The following SF3B3 variants were observed in gnomAD, a reference collection of about 807,000 sequenced individuals.
SF3B3 encodes the protein splicing factor 3b subunit 3.
In SF3B3, 33 loss-of-function variants were observed where a neutral mutation model predicts 139.2. The ratio of observed to expected loss-of-function variants is 0.24; its 90% CI spans 0.18 to 0.32. SF3B3 has a LOEUF of 0.32. Among genes scored for constraint, SF3B3 ranks in the 10% least tolerant of loss-of-function variants. SF3B3 has a pLI of 1.00. For missense variants in SF3B3, 818 were observed against 1,509.4 expected (o/e 0.54, Z 7.59); for synonymous variants, 596 against 563.6 (o/e 1.06, Z -0.81).
rs533905739 is a variant in SF3B3, at chr16:70,544,052, T to C, written c.1234-386T>C. 2.0e-5 allele frequency among the ~76,000 whole-genome samples: 3 copies of C among 152,250 alleles called. No homozygotes were observed. In the East Asian group the frequency reaches 5.8e-4, roughly 29 times the overall value. On this transcript the variant is annotated intron_variant, in intron 9 of 25. Coordinates refer to ENST00000302516, the MANE Select transcript of SF3B3 (RefSeq NM_012426.5). ...ATATTTTTAAATGCATATGAAAATA[T>C]GCATAGAATCAGAATAGCAAAATAT... is the stretch of plus-strand genomic sequence containing the variant.
rs1567420465 is a variant in SF3B3 at position 70,556,385 on chromosome 16, T to TG, written c.1866+53dup. 3.1e-6 allele frequency: 5 copies of TG among 1,589,290 alleles called. No homozygotes were observed. The South Asian group carries it at 5.5e-5, about 18-fold the overall frequency. On this transcript the variant is annotated intron_variant, in intron 14 of 25. Coordinates refer to ENST00000302516, the MANE Select transcript of SF3B3 (RefSeq NM_012426.5). Reference sequence around the variant, plus strand: ...ATCATCTGGTTGGAACCTGAGCATCTGGCTCCTGATGTCTATCTCTGAGAT... The same window carrying TG: ...ATCATCTGGTTGGAACCTGAGCATCTGGGCTCCTGATGTCTATCTCTGAGAT...
intron 24 of SF3B3, among the ~76,000 whole-genome samples, chr16:70,570,565 T>C (rs963265408): frequency 6.6e-6 from 1 of 151,888 alleles, no homozygotes; most frequent in African/African-American, 2.4e-5. Flanking sequence ...CTCTTGACCT[T>C]GTGATCCGCC....
chr16:70,560,252 T>C lies in SF3B3; in HGVS notation c.2011-217T>C. ...GAAGATATAGTGAAAAATAAGTGTG[T>C]ATTTACTTAGTAGATGCTCCATAAC... On this transcript the variant is annotated intron_variant, in intron 15 of 25. Coordinates refer to ENST00000302516, the MANE Select transcript of SF3B3 (RefSeq NM_012426.5). The C allele has an allele frequency of 2.0e-5, 7 of 352,582 alleles. No individual in the cohort carries two copies. The South Asian group carries it at 3.3e-4, about 16-fold the overall frequency. 21.8% of individuals were successfully genotyped at this position (352,582 alleles called of 1,614,324 possible).
chr16:70,545,017 A>C (rs1372323569), intron 10 of SF3B3, among the ~76,000 whole-genome samples: 1 of 152,134 alleles, frequency 6.6e-6, no homozygotes, highest in Admixed American at 6.5e-5. Flanking sequence ...TATCTTATTA[A>C]ATTTATTCCT....
rs1242669455 is a variant in SF3B3, at chr16:70,572,223, G to A, written c.*410G>A. ...AAGGAGGCAGGCTGTGGTGGGACTG[G>A]GTAGGGTATAGTATCACTCCTGAGT... is the stretch of plus-strand genomic sequence containing the variant. On this transcript the variant is annotated 3_prime_UTR_variant, in exon 26 of 26. Transcript: ENST00000302516. 1 of 438,508 alleles carries A rather than the reference G, an allele frequency of 2.3e-6. No homozygotes were observed. The highest frequency in any genetic ancestry group is 2.0e-5 in the African/African-American group (1 of 49,620). 27.2% of individuals were successfully genotyped at this position (438,508 alleles called of 1,614,324 possible).
chr16:70,541,855 C>T (rs1261850465), intron 9 of SF3B3, 21 bp downstream of exon 9: 1 of 1,605,218 alleles, frequency 6.2e-7, no homozygotes, highest in Admixed American at 1.7e-5. Context: ...CTTTCCAGCC[C>T]CTTCCACAAT....
chr16:70,553,648 G>T (rs1242104493), intron 11 of SF3B3, among the ~76,000 whole-genome samples: 1 of 152,038 alleles, frequency 6.6e-6, no homozygotes, highest in East Asian at 1.9e-4. Flanking sequence ...TATGTTGTAG[G>T]GTGAGATACA....
At chr16:70,530,472 A>G (rs1469438294) in intron 3 of SF3B3, among the ~76,000 whole-genome samples, 1 of 151,930 alleles carries the variant, frequency 6.6e-6, no homozygotes, top group Non-Finnish European at 1.5e-5. Flanking sequence ...GGCATGCACC[A>G]CCACACCTAG....
At chr16:70,566,561 C>CA (rs1319792309) in intron 20 of SF3B3, among the ~76,000 whole-genome samples, 3 of 150,560 alleles carry the variant, frequency 2.0e-5, no homozygotes, top group South Asian at 2.1e-4. Context: ...GACTCTGTCT[C>CA]AAAAAAAAGA....
chr16:70,526,510 C>A, intron 1 of SF3B3, 77 bp from the exon 2 acceptor site: 1 of 610,686 alleles, frequency 1.6e-6, no homozygotes, highest in Non-Finnish European at 2.9e-6. Flanking sequence ...CTGCTGTCTT[C>A]ATCCAGAATT....
intron 2 of SF3B3, among the ~76,000 whole-genome samples, chr16:70,527,241 G>A (rs1028935747): frequency 1.3e-5 from 2 of 152,208 alleles, no homozygotes; most frequent in African/African-American, 2.4e-5. Context: ...ACCATGTGGG[G>A]AATATTTTTG....
intron 11 of SF3B3, among the ~76,000 whole-genome samples, chr16:70,548,709 G>A (rs2050292304): frequency 6.6e-6 from 1 of 152,094 alleles, no homozygotes; most frequent in Non-Finnish European, 1.5e-5. Context: ...TGTCAAATGT[G>A]GTATTGACTT....
chr16:70,555,287 T>C, intron 13 of SF3B3, 81 bp downstream of exon 13: 1 of 1,310,050 alleles, frequency 7.6e-7, no homozygotes, highest in Non-Finnish European at 1.1e-6. Flanking sequence ...GTCATTTAGA[T>C]GATAGTATGG....
At chr16:70,546,769 T>G (rs1008991805) in intron 10 of SF3B3, among the ~76,000 whole-genome samples, 17 of 152,174 alleles carry the variant, frequency 1.1e-4, no homozygotes, top group Admixed American at 8.5e-4. Context: ...TAGACAAACC[T>G]TTGTTATATA....
chr16:70,542,044 A>ATT (rs896143260), intron 9 of SF3B3, among the ~76,000 whole-genome samples: 1 of 152,186 alleles, frequency 6.6e-6, no homozygotes, highest in South Asian at 2.1e-4. Context: ...TGCAGATCAT[A>ATT]TTCCTGTACA....
chr16:70,533,603 A>G (rs2050140977), intron 5 of SF3B3, among the ~76,000 whole-genome samples: 1 of 152,222 alleles, frequency 6.6e-6, no homozygotes, highest in Non-Finnish European at 1.5e-5. Context: ...AAATCAGTTC[A>G]CCATTGGAAA....
intron 17 of SF3B3, 69 bp from the exon 18 acceptor site, chr16:70,563,807 A>G: frequency 6.7e-7 from 1 of 1,486,404 alleles, no homozygotes; most frequent in Non-Finnish European, 9.3e-7. Flanking sequence ...TGACTGCTCA[A>G]AGTCTATTTC....
chr16:70,570,992 TTG>T, intron 24 of SF3B3, 101 bp from the exon 25 acceptor site: 1 of 785,576 alleles, frequency 1.3e-6, no homozygotes. Flanking sequence ...TCCCGTGTGT[TTG>T]TGTAGTAAAA....
chr16:70,544,771 G>C (rs958898104), intron 10 of SF3B3, among the ~76,000 whole-genome samples: 1 of 152,192 alleles, frequency 6.6e-6, no homozygotes, highest in African/African-American at 2.4e-5. Flanking sequence ...GCTCACTGCA[G>C]CCTTGACCTC....
Sources: allele counts gnomAD v4.1 joint callset (sites outside exome capture counted in the v4.1 genomes callset), GRCh38; gene constraint gnomAD v4.1.1; transcripts MANE v1.5; gene names NCBI Gene and HGNC (gene_info 2026-07-23, HGNC 2026-07-21).